PID1: variants seen among roughly 807,000 people sequenced by gnomAD.
PID1 encodes the protein phosphotyrosine interaction domain containing 1, also known as PTB-containing, cubilin and LRP1-interacting protein.
In PID1, 10 loss-of-function variants were observed where a neutral mutation model predicts 19.1. The observed-to-expected ratio is 0.52, with a 90% CI of 0.32 to 0.89. The LOEUF (loss-of-function observed/expected upper bound fraction) is 0.89. Among genes scored for constraint, PID1 ranks in the 40% least tolerant of loss-of-function variants. PID1 has a pLI of 0.03. For missense variants in PID1, 248 were observed against 285.3 expected (o/e 0.87, Z 0.94); for synonymous variants, 130 against 116.0 (o/e 1.12, Z -0.78).
chr2:229,121,321 T>C (rs1167859190), intron 2 of PID1, among the ~76,000 whole-genome samples: 3 of 152,320 alleles, frequency 2.0e-5, no homozygotes, highest in African/African-American at 7.2e-5. Context: ...TGGCTTATAA[T>C]TATGATATAA....
chr2:229,250,057 A>G (rs1690110196), intron 1 of PID1, among the ~76,000 whole-genome samples: 1 of 152,202 alleles, frequency 6.6e-6, no homozygotes, highest in Non-Finnish European at 1.5e-5. Flanking sequence ...AACACTAACT[A>G]CAGAAAGTGA....
At chr2:229,030,130 T>A (rs542627857) in intron 2 of PID1, among the ~76,000 whole-genome samples, 2 of 152,336 alleles carry the variant, frequency 1.3e-5, no homozygotes, top group South Asian at 4.1e-4. Context: ...TCTGATGACA[T>A]TATGCTAAGT....
intron 1 of PID1, among the ~76,000 whole-genome samples, chr2:229,199,193 A>G (rs1456802037): frequency 6.6e-6 from 1 of 152,024 alleles, no homozygotes; most frequent in African/African-American, 2.4e-5. Flanking sequence ...TATTTCAATG[A>G]GCACCTTCTC....
chr2:229,088,248 C>T (rs935586265), intron 2 of PID1, among the ~76,000 whole-genome samples: 2 of 152,114 alleles, frequency 1.3e-5, no homozygotes, highest in African/African-American at 4.8e-5. Flanking sequence ...TTTTGGGTTT[C>T]GGTTTTGCCC....
At chr2:229,088,019 A>G (rs1694803378) in intron 2 of PID1, among the ~76,000 whole-genome samples, 1 of 152,130 alleles carries the variant, frequency 6.6e-6, no homozygotes, top group Non-Finnish European at 1.5e-5. Flanking sequence ...CCAGAATAGA[A>G]GCTTCTGAGA....
intron 2 of PID1, among the ~76,000 whole-genome samples, chr2:229,035,357 C>T (rs1263196084): frequency 6.6e-6 from 1 of 152,124 alleles, no homozygotes; most frequent in Non-Finnish European, 1.5e-5. Flanking sequence ...GTCTGCCCAC[C>T]TTCCCTTAAA....
chr2:229,151,822 G>A (rs1002870849), intron 2 of PID1, among the ~76,000 whole-genome samples: 10 of 151,966 alleles, frequency 6.6e-5, no homozygotes, highest in Non-Finnish European at 1.0e-4. Context: ...CGCCCGCCTC[G>A]GCCTCCCAAA....
At chr2:229,079,625 C>A (rs576697663) in intron 2 of PID1, among the ~76,000 whole-genome samples, 5 of 152,302 alleles carry the variant, frequency 3.3e-5, no homozygotes, top group African/African-American at 1.2e-4. Flanking sequence ...ACTACAAGTT[C>A]TTTTCTGTCC....
At chr2:229,265,583 G>T (rs917699146) in intron 1 of PID1, among the ~76,000 whole-genome samples, 9 of 152,232 alleles carry the variant, frequency 5.9e-5, no homozygotes, top group African/African-American at 2.2e-4. Context: ...ATTTCTTCTT[G>T]CTCTACTTAT....
Position 229,208,687 on chromosome 2 carries a change from T to G in PID1, c.31-52723A>C, listed in dbSNP as rs143955789. ...GTAATTCTATAAACTCATTGAAATA[T>G]TTCTTAACGAACAAAACTATTATTT... On this transcript the variant is annotated intron_variant, in intron 1 of 2. Transcript: ENST00000392055. 1.5e-4 allele frequency among the ~76,000 whole-genome samples: 23 copies of G among 152,348 alleles called. No individual in the cohort carries two copies. In the East Asian group the frequency reaches 4.4e-3, roughly 29 times the overall value.
At chr2:229,179,639 A>T (rs1024726124) in intron 1 of PID1, among the ~76,000 whole-genome samples, 1 of 152,228 alleles carries the variant, frequency 6.6e-6, no homozygotes, top group South Asian at 2.1e-4. Context: ...TTAATGCAAG[A>T]TTATAATAAA....
At chr2:229,173,918 G>A (rs778945903) in intron 1 of PID1, among the ~76,000 whole-genome samples, 4 of 152,174 alleles carry the variant, frequency 2.6e-5, no homozygotes, top group African/African-American at 7.2e-5. Flanking sequence ...ATGGGGAGGG[G>A]TGGTTGTTTC....
intron 1 of PID1, among the ~76,000 whole-genome samples, chr2:229,238,009 A>C (rs540455341): frequency 3.3e-5 from 5 of 152,222 alleles, no homozygotes; most frequent in African/African-American, 4.8e-5. Context: ...ACTAATTAGT[A>C]ACTCTGAAGG....
intron 2 of PID1, among the ~76,000 whole-genome samples, chr2:229,085,051 A>G (rs1694738614): frequency 6.6e-6 from 1 of 152,102 alleles, no homozygotes; most frequent in Non-Finnish European, 1.5e-5. Context: ...AGAGCTGAAG[A>G]CAAGGCTTTC....
chr2:229,244,864 C>T (rs1226997), intron 1 of PID1: 75,234 of 151,870 alleles, frequency 0.5, 19,114 homozygotes, highest in East Asian at 0.76. Flanking sequence ...TATGCTCTGC[C>T]TCTGCAGCAT....
intron 2 of PID1, among the ~76,000 whole-genome samples, chr2:229,049,400 T>C (rs182854572): frequency 1.0e-3 from 158 of 152,316 alleles, no homozygotes; most frequent in African/African-American, 3.4e-3. Flanking sequence ...CTTTGTTTTA[T>C]ACCACACTCC....
At chr2:229,090,055 A>T (rs183779720) in intron 2 of PID1, among the ~76,000 whole-genome samples, 71 of 152,288 alleles carry the variant, frequency 4.7e-4, no homozygotes, top group African/African-American at 1.5e-3. Context: ...TGGTCATCTG[A>T]TCTCAACTGT....
At chr2:229,203,560 A>G (rs1020827503) in intron 1 of PID1, among the ~76,000 whole-genome samples, 1 of 152,150 alleles carries the variant, frequency 6.6e-6, no homozygotes, top group African/African-American at 2.4e-5. Context: ...AAGAAAAATA[A>G]ATGATATAAT....
intron 2 of PID1, among the ~76,000 whole-genome samples, chr2:229,151,695 C>G (rs1559258697): frequency 6.6e-6 from 1 of 151,868 alleles, no homozygotes; most frequent in Non-Finnish European, 1.5e-5. Flanking sequence ...CTCAACCTCC[C>G]GAGTAGCTGC....
Sources: allele counts gnomAD v4.1 joint callset (sites outside exome capture counted in the v4.1 genomes callset), GRCh38; gene constraint gnomAD v4.1.1; transcripts MANE v1.5; gene names NCBI Gene and HGNC (gene_info 2026-07-23, HGNC 2026-07-21).